ZBTB20: variants seen among roughly 807,000 people sequenced by gnomAD.
ZBTB20 encodes the protein zinc finger and BTB domain containing 20.
Under a neutral mutation model 56.9 loss-of-function variants are expected in ZBTB20, and 9 were observed. The ratio of observed to expected loss-of-function variants is 0.16; its 90% CI spans 0.10 to 0.28. The LOEUF (loss-of-function observed/expected upper bound fraction) is 0.28. ZBTB20 is among the 10% of genes least tolerant of loss of function. ZBTB20 has a pLI of 1.00. For synonymous variants in ZBTB20, 417 were observed against 420.7 expected (o/e 0.99, Z 0.11); for missense variants, 655 against 1,003.0 (o/e 0.65, Z 4.69).
rs1258203343 is a variant in ZBTB20 at position 114,883,925 on chromosome 3, T to C, written c.-417+16379A>G. ...GTAAGAATGGTGTGTTCTTTTTTTT[T>C]TTTTTTTTTTTTTTTTTTGAGACGG... is the stretch of plus-strand genomic sequence containing the variant. On this transcript the variant is annotated intron_variant, in intron 4 of 11. Coordinates refer to ENST00000675478, the MANE Select transcript of ZBTB20 (RefSeq NM_001348800.3). 5.9e-3 allele frequency among the ~76,000 whole-genome samples: 398 copies of C among 67,202 alleles called. 44 individuals are homozygous for C. Among genetic ancestry groups the C allele is most frequent in the African/African-American group, 0.016 (357 of 21,850 alleles). The allele number at this position is 67,202 out of a possible 152,430, so 44.1% of individuals were successfully genotyped here.
chr3:115,023,460 T>C (rs2080288229), intron 2 of ZBTB20, among the ~76,000 whole-genome samples: 2 of 150,884 alleles, frequency 1.3e-5, no homozygotes, highest in Admixed American at 1.3e-4. Flanking sequence ...TTTTCAGTTC[T>C]GCATCACCTT....
intron 2 of ZBTB20, among the ~76,000 whole-genome samples, chr3:114,980,105 T>G (rs1372118743): frequency 6.6e-6 from 1 of 152,034 alleles, no homozygotes; most frequent in Non-Finnish European, 1.5e-5. Context: ...TACAATCAAT[T>G]TTTTTCTTTA....
intron 6 of ZBTB20, among the ~76,000 whole-genome samples, chr3:114,674,913 C>T (rs16823084): frequency 0.12 from 18,578 of 151,526 alleles, 1,433 homozygotes; most frequent in African/African-American, 0.22. Context: ...AGTTTTCTGC[C>T]TTCAAAGGGT....
chr3:114,900,512 T>TATATATAC lies in ZBTB20; in HGVS notation c.-455-171_-455-170insGTATATAT, dbSNP rs549497546. 1.2e-3 allele frequency: 175 copies of TATATATAC among 145,746 alleles called. 1 individual carries two copies. The highest frequency in any genetic ancestry group is 4.0e-3 in the African/African-American group (157 of 39,690). 9.0% of individuals were successfully genotyped at this position (145,746 alleles called of 1,614,324 possible). On this transcript the variant is annotated intron_variant, in intron 3 of 11. Transcript: ENST00000675478. ...GATATTTCATATATCTGAAAATATA[T>TATATATAC]ACACACACACACACACACACACACA... is the stretch of plus-strand genomic sequence containing the variant.
At chr3:114,841,419 G>A (rs944304664) in intron 4 of ZBTB20, among the ~76,000 whole-genome samples, 7 of 152,130 alleles carry the variant, frequency 4.6e-5, no homozygotes. Flanking sequence ...AGGGGGAAAG[G>A]GGCATGAATC....
intron 1 of ZBTB20, among the ~76,000 whole-genome samples, chr3:115,141,750 T>C (rs913287066): frequency 6.6e-6 from 1 of 152,244 alleles, no homozygotes; most frequent in Non-Finnish European, 1.5e-5. Context: ...CACAGCCTAG[T>C]ATCTCTGGCA....
At chr3:114,666,617 T>C (rs1417732011) in intron 6 of ZBTB20, among the ~76,000 whole-genome samples, 1 of 152,030 alleles carries the variant, frequency 6.6e-6, no homozygotes, top group Non-Finnish European at 1.5e-5. Context: ...AGTGATCCTA[T>C]ATAGTCTTGT....
intron 3 of ZBTB20, among the ~76,000 whole-genome samples, chr3:114,973,741 T>G (rs930750434): frequency 2.6e-5 from 4 of 152,064 alleles, no homozygotes; most frequent in Non-Finnish European, 5.9e-5. Flanking sequence ...CACTGGAAAA[T>G]CTAACCATGC....
intron 5 of ZBTB20, among the ~76,000 whole-genome samples, chr3:114,763,574 C>T (rs2068585218): frequency 6.6e-6 from 1 of 151,978 alleles, no homozygotes; most frequent in African/African-American, 2.4e-5. Context: ...CTGCTACAAC[C>T]TTAAATAGCA....
intron 4 of ZBTB20, among the ~76,000 whole-genome samples, chr3:114,863,828 C>T (rs1466362948): frequency 1.3e-5 from 2 of 151,960 alleles, no homozygotes; most frequent in Non-Finnish European, 2.9e-5. Context: ...AGTATATAAA[C>T]TTCACTCTAT....
chr3:114,620,355 C>T (rs542776163), intron 6 of ZBTB20, among the ~76,000 whole-genome samples: 3 of 152,024 alleles, frequency 2.0e-5, no homozygotes, highest in South Asian at 2.1e-4. Context: ...TGCAATGGCA[C>T]GACTTTGGCT....
chr3:114,396,555 G>A (rs2108666874), intron 7 of ZBTB20, among the ~76,000 whole-genome samples: 1 of 152,282 alleles, frequency 6.6e-6, no homozygotes, highest in African/African-American at 2.4e-5. Flanking sequence ...GAAAGGTACA[G>A]TTATTGGTCA....
chr3:115,044,235 G>A (rs549272843), intron 2 of ZBTB20, among the ~76,000 whole-genome samples: 4 of 152,248 alleles, frequency 2.6e-5, no homozygotes, highest in South Asian at 2.1e-4. Context: ...TTCAAATCAC[G>A]TAAGACTAAA....
At chr3:114,688,228 TCAAAACAACAA>T (rs1407047013) in intron 6 of ZBTB20, 6 of 152,290 alleles carry the variant, frequency 3.9e-5, no homozygotes, top group South Asian at 2.1e-4. Flanking sequence ...AGACTCCATC[TCAAAACAACAA>T]CAAAACAACA....
At chr3:115,054,515 C>T (rs965757227) in intron 2 of ZBTB20, among the ~76,000 whole-genome samples, 11 of 152,150 alleles carry the variant, frequency 7.2e-5, no homozygotes, top group Admixed American at 6.5e-4. Flanking sequence ...ATCTTTTCCC[C>T]GTCAAGTATT....
intron 1 of ZBTB20, among the ~76,000 whole-genome samples, chr3:115,105,636 T>G (rs111923154): frequency 2.0e-5 from 3 of 152,190 alleles, no homozygotes; most frequent in African/African-American, 7.2e-5. Flanking sequence ...CCATCTAAAG[T>G]ACATACTCTA....
intron 6 of ZBTB20, among the ~76,000 whole-genome samples, chr3:114,683,302 A>G (rs947979972): frequency 6.6e-6 from 1 of 152,154 alleles, no homozygotes; most frequent in African/African-American, 2.4e-5. Flanking sequence ...AGAGTTCTGA[A>G]CTTTCCATTC....
chr3:114,947,049 A>AT (rs1189953669), intron 3 of ZBTB20, among the ~76,000 whole-genome samples: 2 of 145,356 alleles, frequency 1.4e-5, no homozygotes, highest in Admixed American at 6.6e-5. Context: ...CAAGAAACAT[A>AT]TAAAAAAAAA....
chr3:114,893,025 A>G (rs555478130), intron 4 of ZBTB20, among the ~76,000 whole-genome samples: 1 of 152,336 alleles, frequency 6.6e-6, no homozygotes, highest in South Asian at 2.1e-4. Context: ...TTGTGAGAAC[A>G]TTTCCCAAAT....
Sources: allele counts gnomAD v4.1 joint callset (sites outside exome capture counted in the v4.1 genomes callset), GRCh38; gene constraint gnomAD v4.1.1; transcripts MANE v1.5; gene names NCBI Gene and HGNC (gene_info 2026-07-23, HGNC 2026-07-21).